EIF3H: variants seen among roughly 807,000 people sequenced by gnomAD.
The protein encoded by EIF3H is eukaryotic translation initiation factor 3 subunit H.
Under a neutral mutation model 44.2 loss-of-function variants are expected in EIF3H, and 26 were observed. The observed-to-expected ratio is 0.59, with a 90% confidence interval of 0.43 to 0.82. The LOEUF (loss-of-function observed/expected upper bound fraction) is 0.82, where lower values mean the gene tolerates loss of function less well. Ranked by LOEUF, EIF3H falls within the 40% of genes least tolerant of loss-of-function variation. EIF3H has a pLI of 0.00. For synonymous variants in EIF3H, 166 were observed against 151.9 expected (o/e 1.09, Z -0.68); for missense variants, 359 against 432.8 (o/e 0.83, Z 1.51).
chr8:116,703,299 G>A (rs1297781104), intron 2 of EIF3H, among the ~76,000 whole-genome samples: 7 of 152,106 alleles, frequency 4.6e-5, no homozygotes, highest in African/African-American at 7.2e-5. Flanking sequence ...AGGGCTCCCT[G>A]GTCTAGTGGT....
chr8:116,695,725 G>A (rs1449341927), intron 2 of EIF3H, among the ~76,000 whole-genome samples: 1 of 152,108 alleles, frequency 6.6e-6, no homozygotes, highest in Non-Finnish European at 1.5e-5. Flanking sequence ...AGCCCAAGTG[G>A]GATGGTATGT....
intron 1 of EIF3H, among the ~76,000 whole-genome samples, chr8:116,748,588 T>C (rs544345292): frequency 6.6e-6 from 1 of 152,202 alleles, no homozygotes; most frequent in Non-Finnish European, 1.5e-5. Flanking sequence ...ATTCACAACA[T>C]CTGAGTGCCT....
At chr8:116,743,647 A>AAGGGACCCAG (rs1815167221) in intron 1 of EIF3H, among the ~76,000 whole-genome samples, 1 of 151,256 alleles carries the variant, frequency 6.6e-6, no homozygotes. Context: ...GGTCCCAGCT[A>AAGGGACCCAG]CTAGGGAGGC....
chr8:116,678,832 C>T (rs1203363972), intron 2 of EIF3H, among the ~76,000 whole-genome samples: 2 of 146,194 alleles, frequency 1.4e-5, no homozygotes, highest in Non-Finnish European at 3.1e-5. Flanking sequence ...AGCGTCTCCG[C>T]CCGGCAGCCA....
At chr8:116,671,671 A>T (rs1813758058) in intron 2 of EIF3H, among the ~76,000 whole-genome samples, 1 of 152,194 alleles carries the variant, frequency 6.6e-6, no homozygotes, top group Non-Finnish European at 1.5e-5. Flanking sequence ...AGTGTAGAGG[A>T]GCAGACAGGG....
chr8:116,662,846 A>G (rs1054407783), intron 2 of EIF3H, among the ~76,000 whole-genome samples: 1 of 152,232 alleles, frequency 6.6e-6, no homozygotes, highest in Non-Finnish European at 1.5e-5. Flanking sequence ...AAATTATGGC[A>G]TGCTGGTTAA....
At chr8:116,700,372 T>C (rs879773043) in intron 2 of EIF3H, among the ~76,000 whole-genome samples, 2 of 152,208 alleles carry the variant, frequency 1.3e-5, no homozygotes, top group Non-Finnish European at 2.9e-5. Context: ...CACAAATTCG[T>C]AAACTTTCTT....
chr8:116,670,684 A>G (rs532674646), intron 2 of EIF3H, among the ~76,000 whole-genome samples: 2 of 152,338 alleles, frequency 1.3e-5, no homozygotes, highest in Non-Finnish European at 2.9e-5. Flanking sequence ...AGTCTCTAGC[A>G]AAAATATCAC....
At chr8:116,719,529 A>G (rs1262930964) in intron 2 of EIF3H, among the ~76,000 whole-genome samples, 1 of 152,226 alleles carries the variant, frequency 6.6e-6, no homozygotes, top group Non-Finnish European at 1.5e-5. Context: ...GGCCAGATAG[A>G]GGACAGCACA....
At chr8:116,674,060 A>G (rs1388202147) in intron 2 of EIF3H, among the ~76,000 whole-genome samples, 1 of 108,454 alleles carries the variant, frequency 9.2e-6, no homozygotes, top group South Asian at 3.7e-4. Context: ...ACACAGCAAG[A>G]CTGTCTCAAA....
At chr8:116,734,507 C>T (rs969651152) in intron 1 of EIF3H, among the ~76,000 whole-genome samples, 2 of 152,176 alleles carry the variant, frequency 1.3e-5, no homozygotes, top group Admixed American at 6.5e-5. Context: ...TACACGTTCA[C>T]GTTTTTACTA....
Position 116,644,572 on chromosome 8 carries a change from T to A in EIF3H, c.*434A>T, listed in dbSNP as rs1473981050. ...CCTGGACTTCTCTCGGGGTGCTCAT[T>A]TGGGAGCAGCGAAGTATAAAAATTC... On this transcript the variant is annotated 3_prime_UTR_variant, in exon 8 of 8. Coordinates refer to ENST00000521861, the MANE Select transcript of EIF3H (RefSeq NM_003756.3). 1 of 156,364 alleles carries A rather than the reference T, an allele frequency of 6.4e-6. No homozygotes were observed. Among genetic ancestry groups the A allele is most frequent in the Non-Finnish European group, 1.4e-5 (1 of 70,768 alleles). The allele number at this position is 156,364 out of a possible 1,614,324, so 9.7% of individuals were successfully genotyped here. A position where few individuals can be genotyped will look rare whatever the true frequency, so the allele number is the denominator to read the frequency against.
chr8:116,726,421 T>C (rs1361201746), intron 1 of EIF3H, among the ~76,000 whole-genome samples: 3 of 152,184 alleles, frequency 2.0e-5, no homozygotes, highest in Non-Finnish European at 4.4e-5. Context: ...ACAGCAGTTA[T>C]GCTCTTAAAT....
At chr8:116,712,101 C>T (rs1383074252) in intron 2 of EIF3H, among the ~76,000 whole-genome samples, 1 of 152,212 alleles carries the variant, frequency 6.6e-6, no homozygotes, top group Non-Finnish European at 1.5e-5. Context: ...AGGACTGCTG[C>T]TGCCGCCGCC....
intron 2 of EIF3H, among the ~76,000 whole-genome samples, chr8:116,708,135 G>C (rs2130893381): frequency 6.6e-6 from 1 of 152,100 alleles, no homozygotes; most frequent in South Asian, 2.1e-4. Flanking sequence ...CTTCCAAAAA[G>C]ACGGTAACAT....
At chr8:116,743,791 T>C (rs59902481) in intron 1 of EIF3H, among the ~76,000 whole-genome samples, 12,657 of 93,206 alleles carry the variant, frequency 0.14, 783 homozygotes, top group African/African-American at 0.22. Flanking sequence ...TATATATATA[T>C]ATATATAAAC....
intron 1 of EIF3H, among the ~76,000 whole-genome samples, chr8:116,738,217 T>A (rs534055481): frequency 1.3e-5 from 2 of 152,150 alleles, no homozygotes; most frequent in African/African-American, 4.8e-5. Context: ...TTTCACAAAA[T>A]AGAACAAACT....
intron 4 of EIF3H, 33 bp from the exon 5 acceptor site, chr8:116,656,038 T>C (rs757351878): frequency 1.9e-6 from 3 of 1,604,798 alleles, no homozygotes; most frequent in Non-Finnish European, 1.7e-6. Flanking sequence ...TTTAGTCTGA[T>C]GGTCAAAAGT....
chr8:116,766,095 C>G (rs1815569582), exon 1 of EIF3H: 1 of 152,508 alleles, frequency 6.6e-6, no homozygotes, highest in Non-Finnish European at 1.5e-5. Flanking sequence ...TCATAGCTAT[C>G]CAATATATCA....
Sources: gnomAD v4.1 joint callset for allele counts (sites outside exome capture counted in the v4.1 genomes callset) on GRCh38, gnomAD v4.1.1 for gene constraint, MANE v1.5 for transcripts, NCBI Gene and HGNC (gene_info 2026-07-23, HGNC 2026-07-21) for gene names.